The following PXDNL variants were observed in gnomAD, a reference collection of about 807,000 sequenced individuals.
PXDNL encodes probable oxidoreductase PXDNL.
In PXDNL, 145 loss-of-function variants were observed where a neutral mutation model predicts 150.8. That is an observed-to-expected ratio of 0.96 (90% CI 0.84 to 1.10). The LOEUF (loss-of-function observed/expected upper bound fraction) is 1.10. PXDNL is among the 50% of genes least tolerant of loss of function. The pLI is 0.00. For missense variants in PXDNL, 2,087 were observed against 1,873.9 expected (o/e 1.11, Z -2.10); for synonymous variants, 757 against 725.7 (o/e 1.04, Z -0.69).
chr8:51,388,658 C>G (rs1020963726), intron 17 of PXDNL, among the ~76,000 whole-genome samples: 33 of 152,308 alleles, frequency 2.2e-4, no homozygotes, highest in African/African-American at 7.9e-4. Context: ...CTGGGTCTCT[C>G]TCTCTCATTC....
chr8:51,360,243 A>G (rs751400692), intron 19 of PXDNL, among the ~76,000 whole-genome samples: 1 of 152,226 alleles, frequency 6.6e-6, no homozygotes, highest in Non-Finnish European at 1.5e-5. Flanking sequence ...ATGCATGTAC[A>G]TACCCATATG....
intron 8 of PXDNL, among the ~76,000 whole-genome samples, chr8:51,460,030 T>G (rs1810036663): frequency 6.6e-6 from 1 of 152,020 alleles, no homozygotes. Context: ...GGAGGATTGC[T>G]TGAGGCCAGG....
chr8:51,531,043 C>G (rs777916383), intron 4 of PXDNL, among the ~76,000 whole-genome samples: 1 of 151,660 alleles, frequency 6.6e-6, no homozygotes, highest in Non-Finnish European at 1.5e-5. Flanking sequence ...AGTCCAAATA[C>G]GGAAAGTTAC....
intron 19 of PXDNL, among the ~76,000 whole-genome samples, chr8:51,351,538 G>T (rs369901980): frequency 6.6e-6 from 1 of 152,308 alleles, no homozygotes. Context: ...CTTGATCTTA[G>T]ACTCCCAGCC....
intron 4 of PXDNL, among the ~76,000 whole-genome samples, chr8:51,512,935 A>ACTCT (rs949135650): frequency 8.7e-5 from 1 of 11,454 alleles, no homozygotes; most frequent in Admixed American, 1.6e-3. Context: ...CCTCCCACCA[A>ACTCT]CAGGGGCAAG....
chr8:51,739,117 T>C (rs2130949247), intron 1 of PXDNL, among the ~76,000 whole-genome samples: 1 of 151,986 alleles, frequency 6.6e-6, no homozygotes, highest in Middle Eastern at 3.4e-3. Context: ...TATAACCAAA[T>C]CACAGTAAAC....
intron 17 of PXDNL, among the ~76,000 whole-genome samples, chr8:51,384,780 T>C (rs1433005514): frequency 6.6e-6 from 1 of 152,160 alleles, no homozygotes; most frequent in African/African-American, 2.4e-5. Flanking sequence ...AAGCTATTTA[T>C]ATAAGATTTT....
At chr8:51,602,770 T>C (rs1409111800) in intron 2 of PXDNL, among the ~76,000 whole-genome samples, 1 of 151,744 alleles carries the variant, frequency 6.6e-6, no homozygotes, top group African/African-American at 2.4e-5. Context: ...CGTTTGTTTA[T>C]GTTTTACAAT....
At chr8:51,806,539 A>G (rs1022566224) in intron 1 of PXDNL, among the ~76,000 whole-genome samples, 1 of 152,140 alleles carries the variant, frequency 6.6e-6, no homozygotes, top group African/African-American at 2.4e-5. Context: ...TTAGCCCCAG[A>G]GGAGTAGAGG....
At chr8:51,433,605 C>T (rs1205778877) in intron 12 of PXDNL, among the ~76,000 whole-genome samples, 2 of 152,132 alleles carry the variant, frequency 1.3e-5, no homozygotes, top group Non-Finnish European at 2.9e-5. Context: ...TGTAAATTTG[C>T]TGCCACTTCT....
chr8:51,319,992 A>G lies in PXDNL; in HGVS notation c.4291T>C (p.Cys1431Arg). The change falls in exon 23 of 23, where the codon TGT becomes CGT. Residue 1431 changes from cysteine (C) to arginine (R), a missense_variant. Transcript: ENST00000356297. ...GGACTGGGACAGGGAGCCGGGGGAC[A>G]AATCTCCACCACACAGGTGACCTGG... ...SGQVTCVVEICPPAPCPSPEL... is the reference protein window; with the variant it reads ...SGQVTCVVEIRPPAPCPSPEL... The G allele has an allele frequency of 2.5e-6, 4 of 1,570,572 alleles. No individual in the cohort carries two copies. The highest frequency in any genetic ancestry group is 3.5e-6 in the Non-Finnish European group (4 of 1,158,956).
chr8:51,758,554 G>A (rs4418329), intron 1 of PXDNL, among the ~76,000 whole-genome samples: 10 of 152,094 alleles, frequency 6.6e-5, no homozygotes, highest in African/African-American at 1.2e-4. Context: ...AGGGCGAGAC[G>A]TACTGGAGAT....
chr8:51,731,351 T>C (rs904322414), intron 1 of PXDNL, among the ~76,000 whole-genome samples: 2 of 152,222 alleles, frequency 1.3e-5, no homozygotes, highest in Non-Finnish European at 2.9e-5. Flanking sequence ...CTCCATTGAC[T>C]CCATGTCTCA....
intron 1 of PXDNL, among the ~76,000 whole-genome samples, chr8:51,776,971 G>A (rs2037360658): frequency 6.6e-6 from 1 of 152,062 alleles, no homozygotes. Context: ...CTTACAGCTG[G>A]CAACTTATGA....
intron 2 of PXDNL, among the ~76,000 whole-genome samples, chr8:51,601,476 C>T (rs919848112): frequency 2.6e-5 from 4 of 151,738 alleles, no homozygotes; most frequent in Non-Finnish European, 5.9e-5. Flanking sequence ...TATGTAATGC[C>T]CTTCTTTGTC....
At chr8:51,614,961 T>C (rs1814100430) in intron 2 of PXDNL, among the ~76,000 whole-genome samples, 1 of 152,204 alleles carries the variant, frequency 6.6e-6, no homozygotes, top group Non-Finnish European at 1.5e-5. Context: ...TAAAAACAGA[T>C]ATTTTGGTTA....
At chr8:51,541,056 G>A (rs921773740) in intron 4 of PXDNL, among the ~76,000 whole-genome samples, 1 of 151,826 alleles carries the variant, frequency 6.6e-6, no homozygotes, top group African/African-American at 2.4e-5. Flanking sequence ...TCAATAGATC[G>A]AGACCAGCCT....
At chr8:51,584,686 G>A (rs1386776987) in intron 3 of PXDNL, among the ~76,000 whole-genome samples, 2 of 152,124 alleles carry the variant, frequency 1.3e-5, no homozygotes, top group African/African-American at 2.4e-5. Context: ...CCACATACCA[G>A]GAACTTTAGA....
At chr8:51,434,168 G>C (rs941356149) in intron 12 of PXDNL, among the ~76,000 whole-genome samples, 2 of 152,110 alleles carry the variant, frequency 1.3e-5, no homozygotes, top group Non-Finnish European at 2.9e-5. Context: ...TATAATATTA[G>C]ATTTACAGTT....
Sources: allele counts gnomAD v4.1 joint callset (sites outside exome capture counted in the v4.1 genomes callset), GRCh38; gene constraint gnomAD v4.1.1; transcripts MANE v1.5; gene names NCBI Gene and HGNC (gene_info 2026-07-23, HGNC 2026-07-21).